Variants in ANO1 observed in about 807,000 individuals in gnomAD.
ANO1 encodes the protein anoctamin-1.
In ANO1, 59 loss-of-function variants were observed where a neutral mutation model predicts 124.0. The ratio of observed to expected loss-of-function variants is 0.48; its 90% confidence interval spans 0.39 to 0.59. The LOEUF (loss-of-function observed/expected upper bound fraction) is 0.59, where lower values mean the gene tolerates loss of function less well. ANO1 is among the 20% of genes least tolerant of loss of function. ANO1 has a pLI of 0.00. For synonymous variants in ANO1, 529 were observed against 532.0 expected (o/e 0.99, Z 0.08); for missense variants, 1,059 against 1,328.0 (o/e 0.80, Z 3.15).
rs77345778 is a variant in ANO1 at position 70,096,073 on chromosome 11, G to A, written c.442-6993G>A. Among the ~76,000 whole-genome samples the A allele has an allele frequency of 8.4e-3, 1,286 of 152,302 alleles. 23 individuals carry two copies. Among genetic ancestry groups the A allele is most frequent in the African/African-American group, 0.028 (1,180 of 41,560 alleles). On this transcript the variant is annotated intron_variant, in intron 2 of 25. Transcript: ENST00000355303. ...ATTTCTATCTCGGTCACTTCAGCTGGTTCTCCTCCCGGGGCTGTCTCTTGC... is the reference window on the plus strand; with the variant it reads ...ATTTCTATCTCGGTCACTTCAGCTGATTCTCCTCCCGGGGCTGTCTCTTGC...
chr11:70,119,185 ATGGG>A (rs2046139548), intron 8 of ANO1, among the ~76,000 whole-genome samples: 1 of 129,146 alleles, frequency 7.7e-6, no homozygotes, highest in African/African-American at 2.9e-5. Flanking sequence ...GGGTGGGTGG[ATGGG>A]TGATGGAAGG....
At chr11:69,972,353 G>A in the ANO1 span, among the ~76,000 whole-genome samples, 9 of 151,950 alleles carry the variant, frequency 5.9e-5, no homozygotes, top group Non-Finnish European at 1.2e-4. Flanking sequence ...CCAGTCACTC[G>A]AGGACACACT....
chr11:70,156,902 A>G, intron 15 of ANO1, 45 bp from the exon 16 acceptor site: 1 of 1,580,588 alleles, frequency 6.3e-7, no homozygotes, highest in Non-Finnish European at 8.7e-7. Flanking sequence ...GAGATGTCTC[A>G]TCGTGATGGT....
At chr11:69,986,752 C>G (rs782750674) in intron 1 of ANO1, among the ~76,000 whole-genome samples, 3 of 152,070 alleles carry the variant, frequency 2.0e-5, no homozygotes, top group Non-Finnish European at 4.4e-5. Context: ...AAATCACCAC[C>G]CAGGATATTT....
chr11:70,144,596 G>A (rs1433841405), intron 11 of ANO1, among the ~76,000 whole-genome samples: 8 of 152,196 alleles, frequency 5.3e-5, no homozygotes, highest in Non-Finnish European at 1.5e-5. Context: ...ATCAATGTGG[G>A]AAGGGACCAT....
intron 11 of ANO1, among the ~76,000 whole-genome samples, chr11:70,145,053 T>G: frequency 6.6e-6 from 1 of 152,148 alleles, no homozygotes; most frequent in Non-Finnish European, 1.5e-5. Flanking sequence ...ATTGGGACCC[T>G]CGGAGGGCAG....
chr11:70,131,822 C>A, intron 10 of ANO1, 97 bp from the exon 11 acceptor site: 1 of 1,441,414 alleles, frequency 6.9e-7, no homozygotes, highest in Non-Finnish European at 9.3e-7. Flanking sequence ...CAACCCCCAG[C>A]TTGGGCCCAG....
At chr11:69,969,661 G>A in the ANO1 span, among the ~76,000 whole-genome samples, 31 of 152,126 alleles carry the variant, frequency 2.0e-4, no homozygotes, top group Admixed American at 5.9e-4. Flanking sequence ...CAAGAGACCC[G>A]GATGCGGCCA....
At chr11:69,984,965 G>A (rs1413494772), upstream of ANO1, among the ~76,000 whole-genome samples, 2 of 152,258 alleles carry the variant, frequency 1.3e-5, no homozygotes, top group Non-Finnish European at 2.9e-5. Flanking sequence ...GATGTCAGGG[G>A]TGTGAGGTTT....
At chr11:70,050,505 C>T (rs368805003) in intron 1 of ANO1, among the ~76,000 whole-genome samples, 123 of 152,272 alleles carry the variant, frequency 8.1e-4, no homozygotes, top group Middle Eastern at 3.4e-3. Context: ...CCAACTTCCC[C>T]GCTCCCTGTG....
intron 1 of ANO1, among the ~76,000 whole-genome samples, chr11:69,989,160 T>C (rs72933804): frequency 6.6e-6 from 1 of 151,998 alleles, no homozygotes; most frequent in Non-Finnish European, 1.5e-5. Flanking sequence ...CCCATTTATG[T>C]TGAGGAAACT....
intron 1 of ANO1, among the ~76,000 whole-genome samples, chr11:69,993,939 G>T (rs1554997964): frequency 6.6e-6 from 1 of 152,120 alleles, no homozygotes; most frequent in Non-Finnish European, 1.5e-5. Context: ...CTCTCCCTCT[G>T]CAATGCGGCA....
chr11:70,085,978 C>T (rs562428032), intron 1 of ANO1, among the ~76,000 whole-genome samples: 44 of 152,364 alleles, frequency 2.9e-4, no homozygotes, highest in African/African-American at 9.6e-4. Context: ...TCCAGGCCAG[C>T]GAGGCCCAAG....
chr11:70,177,135 G>C (rs1013870040), intron 22 of ANO1, among the ~76,000 whole-genome samples: 1 of 152,170 alleles, frequency 6.6e-6, no homozygotes, highest in East Asian at 1.9e-4. Context: ...TCACCTGGGC[G>C]GACCCCCTTG....
chr11:69,979,879 A>C, the ANO1 span, among the ~76,000 whole-genome samples: 1 of 152,176 alleles, frequency 6.6e-6, no homozygotes, highest in Non-Finnish European at 1.5e-5. Flanking sequence ...GCTTGGTGCC[A>C]GGAGGTCCAT....
chr11:69,967,602 C>T, the ANO1 span, among the ~76,000 whole-genome samples: 2 of 152,220 alleles, frequency 1.3e-5, no homozygotes, highest in Non-Finnish European at 2.9e-5. Context: ...AGGGAAAGTG[C>T]ATAAATGAAA....
intron 1 of ANO1, among the ~76,000 whole-genome samples, chr11:70,005,586 T>C (rs1856469899): frequency 6.6e-6 from 1 of 152,234 alleles, no homozygotes; most frequent in African/African-American, 2.4e-5. Context: ...GTTGTGTTTA[T>C]TTATTCGATG....
At chr11:69,996,790 T>A (rs1856278298) in intron 1 of ANO1, among the ~76,000 whole-genome samples, 1 of 152,198 alleles carries the variant, frequency 6.6e-6, no homozygotes, top group Non-Finnish European at 1.5e-5. Flanking sequence ...CCTGAAAACC[T>A]CTCAGGAAGG....
chr11:69,968,399 A>G, the ANO1 span, among the ~76,000 whole-genome samples: 1 of 152,218 alleles, frequency 6.6e-6, no homozygotes, highest in Non-Finnish European at 1.5e-5. Flanking sequence ...AGAGGCAGAC[A>G]GGGTGAGCAT....
Sources: gnomAD v4.1 joint callset for allele counts (sites outside exome capture counted in the v4.1 genomes callset) on GRCh38, gnomAD v4.1.1 for gene constraint, MANE v1.5 for transcripts, NCBI Gene and HGNC (gene_info 2026-07-23, HGNC 2026-07-21) for gene names.